RASSF2: variants seen among roughly 807,000 people sequenced by gnomAD.
RASSF2 encodes ras association domain-containing protein 2.
RASSF2 carries 34 observed loss-of-function variants against 46.3 expected under a neutral mutation model. The ratio of observed to expected loss-of-function variants is 0.73; its 90% CI spans 0.56 to 0.98. The LOEUF (loss-of-function observed/expected upper bound fraction) is 0.98, where lower values mean the gene tolerates loss of function less well. RASSF2 is among the 50% of genes least tolerant of loss of function. The pLI is 0.00. For missense variants in RASSF2, 364 were observed against 431.2 expected, an observed-to-expected ratio of 0.84 and a Z score of 1.38; for synonymous variants, 158 against 162.5, an observed-to-expected ratio of 0.97 and a Z score of 0.21.
intron 8 of RASSF2, among the ~76,000 whole-genome samples, 157 bp from the exon 9 acceptor site, chr20:4,788,425 C>G (rs1925557438): frequency 6.6e-6 from 1 of 152,174 alleles, no homozygotes; most frequent in African/African-American, 2.4e-5. Context: ...ATGAGAAGAT[C>G]GAGAAGGCAG....
chr20:4,812,744 T>C lies in RASSF2; in HGVS notation c.-33+9585A>G, dbSNP rs180792182. The stretch of plus-strand genomic sequence containing the variant: ...CCTCCAAGAACCTCAGGGGGAAGAC[T>C]TCACTTTACAAATGAGGAAACAGAA... On this transcript the variant is annotated intron_variant, in intron 2 of 11. Transcript: ENST00000379400. This position sits in a 1 kb window ranked among gnomAD's most constrained non-coding sequence, Gnocchi z 4.0. Among the ~76,000 whole-genome samples the C allele has an allele frequency of 2.0e-3, 302 of 152,320 alleles. 3 individuals are homozygous for C. Among genetic ancestry groups the C allele is most frequent in the Non-Finnish European group, 3.4e-3 (229 of 68,022 alleles).
chr20:4,788,820 C>T (rs997236733), intron 8 of RASSF2, among the ~76,000 whole-genome samples: 4 of 152,242 alleles, frequency 2.6e-5, no homozygotes, highest in Non-Finnish European at 5.9e-5. Flanking sequence ...CAGCTATCGT[C>T]TATTGCAATG....
chr20:4,792,920 A>G, intron 5 of RASSF2: 1 of 446,560 alleles, frequency 2.2e-6, no homozygotes, highest in East Asian at 4.6e-5. Flanking sequence ...CAAGCCCAGG[A>G]TGGATAATAC....
intron 2 of RASSF2, among the ~76,000 whole-genome samples, chr20:4,801,402 TAG>T (rs1017396259): frequency 1.3e-5 from 2 of 152,140 alleles, no homozygotes; most frequent in African/African-American, 4.8e-5. Flanking sequence ...CAACACAGAA[TAG>T]AGAGTTATCT....
intron 10 of RASSF2, 42 bp downstream of exon 10, chr20:4,787,591 C>G (rs1925469827): frequency 8.1e-6 from 13 of 1,612,680 alleles, no homozygotes; most frequent in Non-Finnish European, 1.1e-5. Flanking sequence ...ACCAAATCCC[C>G]ACCCTCCTGA....
intron 2 of RASSF2, among the ~76,000 whole-genome samples, chr20:4,802,872 A>ATG (rs199609266): frequency 1.4e-5 from 2 of 138,102 alleles, no homozygotes; most frequent in South Asian, 2.2e-4. Context: ...ATACACGTGT[A>ATG]TGTGTGTGTG....
At chr20:4,789,188 C>A (rs3787445) in intron 8 of RASSF2, among the ~76,000 whole-genome samples, 37,565 of 152,128 alleles carry the variant, frequency 0.25, 4,855 homozygotes, top group East Asian at 0.33. Flanking sequence ...GGTTTCCCAA[C>A]TGTGTCCCAG....
intron 3 of RASSF2, 79 bp from the exon 4 acceptor site, chr20:4,798,164 C>T (rs1257826607): frequency 1.9e-6 from 3 of 1,569,518 alleles, no homozygotes; most frequent in African/African-American, 1.3e-5. Flanking sequence ...TTTCTCTCAC[C>T]TCTCACCTGG....
At chr20:4,797,677 G>A (rs952870436) in intron 4 of RASSF2, among the ~76,000 whole-genome samples, 2 of 152,098 alleles carry the variant, frequency 1.3e-5, no homozygotes, top group African/African-American at 4.8e-5. Flanking sequence ...TGGGGTTCCC[G>A]AATTGCCCAA....
intron 2 of RASSF2, among the ~76,000 whole-genome samples, chr20:4,809,974 T>C (rs758917687): frequency 6.6e-6 from 1 of 152,292 alleles, no homozygotes; most frequent in South Asian, 2.1e-4. Context: ...AGGAAACGTG[T>C]GCCGCTAAGA....
At chr20:4,806,021 G>A (rs75314847) in intron 2 of RASSF2, among the ~76,000 whole-genome samples, 5 of 152,314 alleles carry the variant, frequency 3.3e-5, no homozygotes, top group African/African-American at 1.2e-4. Context: ...GAAGTGAGGG[G>A]AGAGGATGAG....
chr20:4,811,465 C>T (rs1354275195), intron 2 of RASSF2, among the ~76,000 whole-genome samples: 1 of 152,144 alleles, frequency 6.6e-6, no homozygotes, highest in South Asian at 2.1e-4. Flanking sequence ...CCAGGTCATG[C>T]CAGTGTACAT....
At chr20:4,813,725 G>A (rs1336961295) in intron 2 of RASSF2, among the ~76,000 whole-genome samples, 1 of 152,206 alleles carries the variant, frequency 6.6e-6, no homozygotes, top group Non-Finnish European at 1.5e-5. Flanking sequence ...AAAAGCAGCT[G>A]TGTGTGCGTG....
chr20:4,789,681 G>A lies in RASSF2; in HGVS notation c.554C>T (p.Pro185Leu), dbSNP rs1318938969. The A allele has an allele frequency of 6.2e-7, 1 of 1,614,062 alleles. No individual in the cohort carries two copies. The highest frequency in any genetic ancestry group is 8.5e-7 in the Non-Finnish European group (1 of 1,179,988). ...FYNHKTSVFT[P>L]AYGSVTNVRI... ...GACGTTGGTGACAGAGCCATAGGCT[G>A]GTGTGAACACGGATGTCTGTCAATA... Residue 185 changes from proline (P) to leucine (L), a missense_variant, in exon 8 of 12, where the codon CCA becomes CTA. Transcript: ENST00000379400.
intron 2 of RASSF2, among the ~76,000 whole-genome samples, chr20:4,802,628 CT>C (rs1274639402): frequency 6.6e-6 from 1 of 151,988 alleles, no homozygotes; most frequent in African/African-American, 2.4e-5. Context: ...AAATCAGAGA[CT>C]GATTTTATAG....
chr20:4,782,791 T>C lies in RASSF2; in HGVS notation c.*1482A>G, dbSNP rs1177955819. ...CTGTGGAGAGAAGGTGGAGAAGAGA[T>C]GGGCAGTGCCTCTACCCCAGCTAGG... is the stretch of plus-strand genomic sequence containing the variant. On this transcript the variant is annotated 3_prime_UTR_variant, in exon 12 of 12. Transcript: ENST00000379400. 3 of 152,230 alleles carry C rather than the reference T, an allele frequency of 2.0e-5. No homozygotes were observed. Among genetic ancestry groups the C allele is most frequent in the Admixed American group, 2.0e-4 (3 of 15,276 alleles). 9.4% of individuals were successfully genotyped at this position (152,230 alleles called of 1,614,324 possible).
chr20:4,786,524 G>C (rs1322572685), intron 10 of RASSF2, among the ~76,000 whole-genome samples, 196 bp from the exon 11 acceptor site: 1 of 152,136 alleles, frequency 6.6e-6, no homozygotes, highest in East Asian at 1.9e-4. Context: ...CTTCGCTTAC[G>C]TGACACCATC....
Position 4,790,350 on chromosome 20 carries a change from C to T in RASSF2, c.537+101G>A. On this transcript the variant is annotated intron_variant, in intron 7 of 11. Coordinates refer to ENST00000379400, the MANE Select transcript of RASSF2 (RefSeq NM_014737.3). This position sits in a 1 kb window ranked among gnomAD's most constrained non-coding sequence, Gnocchi z 4.3. Reference sequence around the variant, plus strand: ...AGACTAAACAGCAGCAAACACTTGGCTTCCCAGGCATCCACACCACCCACC... The same window carrying T: ...AGACTAAACAGCAGCAAACACTTGGTTTCCCAGGCATCCACACCACCCACC... 7.8e-7 allele frequency: 1 copy of T among 1,280,426 alleles called. No homozygotes were observed. The highest frequency in any genetic ancestry group is 1.0e-6 in the Non-Finnish European group (1 of 983,562). The allele number at this position is 1,280,426 out of a possible 1,614,324, so 79.3% of individuals were successfully genotyped here.
At chr20:4,809,222 TG>T (rs1482119790) in intron 2 of RASSF2, among the ~76,000 whole-genome samples, 1 of 152,182 alleles carries the variant, frequency 6.6e-6, no homozygotes, top group Non-Finnish European at 1.5e-5. Flanking sequence ...AAAGACAGCT[TG>T]GGGGTAAGAC....
Sources: gnomAD v4.1 joint callset for allele counts (sites outside exome capture counted in the v4.1 genomes callset) on GRCh38, gnomAD v4.1.1 for gene constraint, Gnocchi (gnomAD v3.1) non-coding constraint, MANE v1.5 for transcripts, NCBI Gene and HGNC (gene_info 2026-07-23, HGNC 2026-07-21) for gene names.